Variants in VNN1 observed in about 807,000 individuals in gnomAD.
The protein encoded by VNN1 is vanin 1.
Under a neutral mutation model 41.9 loss-of-function variants are expected in VNN1, and 29 were observed. That is an observed-to-expected ratio of 0.69 (90% CI 0.52 to 0.94). The LOEUF is 0.94. Ranked by LOEUF, VNN1 falls within the 40% of genes least tolerant of loss-of-function variation. The pLI, the probability that VNN1 is intolerant of heterozygous loss-of-function variation, is 0.00. For synonymous variants in VNN1, 233 were observed against 224.4 expected (o/e 1.04, Z -0.34); for missense variants, 637 against 621.1 (o/e 1.03, Z -0.27).
intron 5 of VNN1, among the ~76,000 whole-genome samples, chr6:132,691,482 G>A (rs930212697): frequency 1.1e-4 from 16 of 151,986 alleles, no homozygotes; most frequent in African/African-American, 3.9e-4. Context: ...TCATATCCAG[G>A]ATATACTTAG....
chr6:132,692,490 G>A lies in VNN1; in HGVS notation c.921C>T (p.His307=). ...AGTTCACCACTGCAGAATGGGATGGGTGGGAATCCAGTTGCGAGAGGAGGA... is the reference window on the plus strand; with the variant it reads ...AGTTCACCACTGCAGAATGGGATGGATGGGAATCCAGTTGCGAGAGGAGGA... ...GKLLLSQLDS[H]PSHSAVVNWT... The change falls in exon 5 of 7, where the codon CAC becomes CAT. Residue 307 remains histidine (H), a synonymous_variant. Coordinates refer to ENST00000367928, the MANE Select transcript of VNN1 (RefSeq NM_004666.3). 1.9e-6 allele frequency: 3 copies of A among 1,613,836 alleles called. No homozygotes were observed. Among genetic ancestry groups the A allele is most frequent in the Admixed American group, 1.7e-5 (1 of 60,014 alleles).
intron 3 of VNN1, 24 bp downstream of exon 3, chr6:132,693,966 G>A: frequency 6.2e-7 from 1 of 1,611,800 alleles, no homozygotes. Flanking sequence ...TTAACTAATT[G>A]GATTATTTGC....
chr6:132,704,577 T>C (rs1778491977), intron 2 of VNN1, among the ~76,000 whole-genome samples: 1 of 152,006 alleles, frequency 6.6e-6, no homozygotes. Flanking sequence ...AAGAGGAAAG[T>C]TTATAGCTAT....
chr6:132,697,116 A>G (rs1332608422), intron 2 of VNN1, among the ~76,000 whole-genome samples: 1 of 118,792 alleles, frequency 8.4e-6, no homozygotes, highest in African/African-American at 3.9e-5. Flanking sequence ...AAAAAATAAA[A>G]AGTTTAAAAA....
intron 5 of VNN1, among the ~76,000 whole-genome samples, chr6:132,691,743 T>C (rs1374584991): frequency 6.6e-6 from 1 of 152,190 alleles, no homozygotes; most frequent in African/African-American, 2.4e-5. Context: ...ATGCCTATAA[T>C]CTCAACACTT....
chr6:132,692,180 G>C, intron 5 of VNN1, 43 bp downstream of exon 5: 1 of 1,504,022 alleles, frequency 6.6e-7, no homozygotes, highest in Non-Finnish European at 8.9e-7. Flanking sequence ...TTAACTGAGT[G>C]TCTTTATTTT....
intron 2 of VNN1, among the ~76,000 whole-genome samples, chr6:132,700,501 C>A (rs1778436034): frequency 6.6e-6 from 1 of 152,242 alleles, no homozygotes; most frequent in East Asian, 1.9e-4. Context: ...CACTGACACC[C>A]ATCTTGGCTA....
intron 3 of VNN1, among the ~76,000 whole-genome samples, chr6:132,693,560 A>C (rs45558341): frequency 9.8e-4 from 150 of 152,348 alleles, no homozygotes; most frequent in Non-Finnish European, 1.8e-3. Flanking sequence ...CTGGAATCTT[A>C]TAAGACATAA....
intron 5 of VNN1, among the ~76,000 whole-genome samples, chr6:132,690,749 G>C (rs1336030553): frequency 6.6e-6 from 1 of 151,570 alleles, no homozygotes. Context: ...AGTTATCATA[G>C]AGCAAACAAA....
chr6:132,689,761 A>T lies in VNN1; in HGVS notation c.1188+2462T>A, dbSNP rs187055795. The stretch of plus-strand genomic sequence containing the variant: ...GCCCCTTGTATCTTGCTGATTTTTG[A>T]AACAATATTTCTAATTCTAGTATCT... On this transcript the variant is annotated intron_variant, in intron 5 of 6. Transcript: ENST00000367928. 1.4e-3 allele frequency among the ~76,000 whole-genome samples: 218 copies of T among 152,152 alleles called. 1 individual carries two copies. Among genetic ancestry groups the T allele is most frequent in the South Asian group, 3.5e-3 (17 of 4,816 alleles).
intron 6 of VNN1, among the ~76,000 whole-genome samples, chr6:132,683,750 C>T (rs150797252): frequency 1.3e-5 from 2 of 152,342 alleles, no homozygotes; most frequent in East Asian, 3.9e-4. Flanking sequence ...TGTCCTCCCA[C>T]ACCCCAGCAG....
chr6:132,700,019 G>T (rs891896673), intron 2 of VNN1, among the ~76,000 whole-genome samples: 2 of 152,104 alleles, frequency 1.3e-5, no homozygotes, highest in Non-Finnish European at 2.9e-5. Context: ...CCATGCTCAG[G>T]CTCATTTTAA....
At chr6:132,689,047 C>A (rs1401017776) in intron 5 of VNN1, among the ~76,000 whole-genome samples, 1 of 152,102 alleles carries the variant, frequency 6.6e-6, no homozygotes, top group African/African-American at 2.4e-5. Context: ...TGCCACCATG[C>A]CTGGCTAATT....
At chr6:132,708,085 TTAAAAA>T (rs1778545595) in intron 2 of VNN1, among the ~76,000 whole-genome samples, 2 of 152,256 alleles carry the variant, frequency 1.3e-5, no homozygotes, top group South Asian at 4.2e-4. Context: ...CCCATGAAAG[TTAAAAA>T]TAAAATAATT....
intron 5 of VNN1, 131 bp downstream of exon 5, chr6:132,692,092 T>G: frequency 5.5e-6 from 6 of 1,082,916 alleles, no homozygotes; most frequent in Non-Finnish European, 7.4e-6. Context: ...AACAACAAAA[T>G]TTTTAGCATA....
At chr6:132,701,438 C>T (rs1778447952) in intron 2 of VNN1, among the ~76,000 whole-genome samples, 2 of 152,178 alleles carry the variant, frequency 1.3e-5, no homozygotes, top group East Asian at 3.8e-4. Flanking sequence ...CTACAGCTAA[C>T]ATCCTATGGA....
intron 5 of VNN1, among the ~76,000 whole-genome samples, chr6:132,689,033 C>T (rs1381459938): frequency 1.3e-5 from 2 of 152,000 alleles, no homozygotes; most frequent in African/African-American, 4.8e-5. Context: ...GGATTGCAGG[C>T]GCCTGCCACC....
At chr6:132,694,724 T>C (rs552787846) in intron 2 of VNN1, among the ~76,000 whole-genome samples, 137 of 148,810 alleles carry the variant, frequency 9.2e-4, no homozygotes, top group African/African-American at 3.4e-3. Context: ...TAGCCAGGCA[T>C]AGTGGTGTGT....
At chr6:132,690,397 C>T (rs1019351974) in intron 5 of VNN1, among the ~76,000 whole-genome samples, 3 of 152,150 alleles carry the variant, frequency 2.0e-5, no homozygotes, top group African/African-American at 7.2e-5. Flanking sequence ...AGACCCTGCT[C>T]CTGCCTGCAT....
Sources: gnomAD v4.1 joint callset for allele counts (sites outside exome capture counted in the v4.1 genomes callset) on GRCh38, gnomAD v4.1.1 for gene constraint, MANE v1.5 for transcripts, NCBI Gene and HGNC (gene_info 2026-07-23, HGNC 2026-07-21) for gene names.